ABCC2: variants seen among roughly 807,000 people sequenced by gnomAD.
ABCC2 encodes the protein ATP-binding cassette sub-family C member 2.
In ABCC2, 157 loss-of-function variants were observed where a neutral mutation model predicts 173.4. The observed-to-expected ratio is 0.91, with a 90% CI of 0.80 to 1.03. The LOEUF (loss-of-function observed/expected upper bound fraction) is 1.03, where lower values mean the gene tolerates loss of function less well. ABCC2 is among the 50% of genes least tolerant of loss of function. The pLI, the probability that ABCC2 is intolerant of heterozygous loss-of-function variation, is 0.00. For missense variants in ABCC2, 1,822 were observed against 1,852.3 expected (o/e 0.98, Z 0.30); for synonymous variants, 657 against 693.5 (o/e 0.95, Z 0.83).
intron 2 of ABCC2, among the ~76,000 whole-genome samples, chr10:99,790,366 A>G (rs1590139474): frequency 1.3e-5 from 2 of 152,196 alleles, no homozygotes; most frequent in Admixed American, 6.5e-5. Context: ...CATTTAATTT[A>G]TATACTCATT....
At chr10:99,814,773 G>GTGTATGTGTATA (rs1554851093) in intron 16 of ABCC2, among the ~76,000 whole-genome samples, 6 of 126,510 alleles carry the variant, frequency 4.7e-5, no homozygotes, top group African/African-American at 1.4e-4. Flanking sequence ...ATATATGTGT[G>GTGTATGTGTATA]TGTATGTATA....
Position 99,794,417 on chromosome 10 carries a change from C to G in ABCC2, c.581C>G (p.Pro194Arg). The change falls in exon 6 of 32, where the codon CCA becomes CGA. Residue 194 changes from proline (P) to arginine (R), a missense_variant. Physicochemically the swap from Pro to Arg is moderately radical, Grantham distance 103. Transcript: ENST00000647814. ...CGATTTTTTTGTGTCTTTCAGAATC[C>G]ATCATCCATAGCTTCATTCCTGAGT... ...FSENNESSNNPSSIASFLSSI... is the reference protein window; with the variant it reads ...FSENNESSNNRSSIASFLSSI... The G allele has an allele frequency of 6.2e-7, 1 of 1,613,844 alleles. No individual in the cohort carries two copies. The highest frequency in any genetic ancestry group is 8.5e-7 in the Non-Finnish European group (1 of 1,179,844).
At position 99,843,893 on chromosome 10, in the gene ABCC2, A is replaced by G; in HGVS notation, c.3836A>G (p.Glu1279Gly). ...CGAATAACTGAGTACACAAAAGTGG[A>G]AAATGAGGTAAGGAGGAACTGGAAA... ...VERITEYTKV[E>G]NEAPWVTDKR... is the part of the protein sequence containing the mutation. The change falls in exon 27 of 32, where the codon GAA becomes GGA. Residue 1279 changes from glutamate to glycine, a missense_variant. Glu to Gly is a moderately conservative substitution (Grantham distance 98). Coordinates refer to ENST00000647814, the MANE Select transcript of ABCC2 (RefSeq NM_000392.5). 1.2e-6 allele frequency: 2 copies of G among 1,613,434 alleles called. No individual in the cohort carries two copies. Among genetic ancestry groups the G allele is most frequent in the Non-Finnish European group, 1.7e-6 (2 of 1,179,282 alleles).
Position 99,794,457 on chromosome 10 carries a change from C to G in ABCC2, c.621C>G (p.Ser207Arg). Residue 207 changes from serine (S) to arginine (R), a missense_variant, in exon 6 of 32, where the codon AGC (serine) becomes AGG (arginine). Ser to Arg is a moderately radical substitution (Grantham distance 110). Coordinates refer to ENST00000647814, the MANE Select transcript of ABCC2 (RefSeq NM_000392.5). ...CATTCCTGAGTAGCATTACCTACAG[C>G]TGGTATGACAGGTAGGAAAGCCTGG... ...IASFLSSITY[S>R]WYDSIILKGY... 1 of 1,613,652 alleles carries G rather than the reference C, an allele frequency of 6.2e-7. No individual in the cohort carries two copies. Among genetic ancestry groups the G allele is most frequent in the Non-Finnish European group, 8.5e-7 (1 of 1,179,614 alleles).
At chr10:99,784,850 T>C in intron 2 of ABCC2, 69 bp downstream of exon 2, 1 of 1,573,292 alleles carries the variant, frequency 6.4e-7, no homozygotes, top group African/African-American at 1.3e-5. Flanking sequence ...TCTTGGTGGT[T>C]AGTGTTCTCT....
chr10:99,814,792 C>T (rs1013742179), intron 16 of ABCC2, among the ~76,000 whole-genome samples: 1 of 103,260 alleles, frequency 9.7e-6, no homozygotes, highest in African/African-American at 4.7e-5. Context: ...TATACACACA[C>T]ACATATGTGT....
chr10:99,848,774 G>C (rs1269071715), intron 30 of ABCC2, among the ~76,000 whole-genome samples: 1 of 151,862 alleles, frequency 6.6e-6, no homozygotes, highest in African/African-American at 2.4e-5. Context: ...ACTGAATCGG[G>C]GACCCAGGTG....
chr10:99,785,379 G>A (rs1311461893), intron 2 of ABCC2, among the ~76,000 whole-genome samples: 1 of 152,160 alleles, frequency 6.6e-6, no homozygotes, highest in Admixed American at 6.5e-5. Context: ...GAGGGGAGGA[G>A]CCCTCAGCCA....
intron 23 of ABCC2, 142 bp downstream of exon 23, chr10:99,832,273 T>A: frequency 1.9e-6 from 2 of 1,053,282 alleles, no homozygotes; most frequent in East Asian, 5.2e-5. Flanking sequence ...CTTGAGTACC[T>A]GCTGTGAGCT....
At chr10:99,786,801 G>A (rs146371543) in intron 2 of ABCC2, among the ~76,000 whole-genome samples, 3,751 of 152,240 alleles carry the variant, frequency 0.025, 82 homozygotes, top group Middle Eastern at 0.15. Context: ...TCAGGAGTTC[G>A]AGACGAGCCT....
chr10:99,812,832 G>A (rs2038240027), intron 15 of ABCC2, among the ~76,000 whole-genome samples, 186 bp from the exon 16 acceptor site: 1 of 152,222 alleles, frequency 6.6e-6, no homozygotes. Flanking sequence ...GCCTTTTAGA[G>A]CTAAGAAAAG....
chr10:99,783,983 T>A (rs898891079), intron 1 of ABCC2, among the ~76,000 whole-genome samples: 3 of 128,854 alleles, frequency 2.3e-5, no homozygotes, highest in African/African-American at 5.6e-5. Flanking sequence ...CAAGAATTGG[T>A]GCCCACCCCC....
intron 30 of ABCC2, 107 bp from the exon 31 acceptor site, chr10:99,850,495 G>A: frequency 1.8e-6 from 2 of 1,098,746 alleles, no homozygotes; most frequent in Admixed American, 4.0e-5. Context: ...GGGAATTTTG[G>A]AGGGGGGGTT....
At chr10:99,850,560 G>A in intron 30 of ABCC2, 42 bp from the exon 31 acceptor site, 1 of 1,602,844 alleles carries the variant, frequency 6.2e-7, no homozygotes, top group East Asian at 2.2e-5. Context: ...GTCTTTCCTT[G>A]GTCTTTAGGA....
chr10:99,849,552 C>T (rs1408124614), intron 30 of ABCC2, among the ~76,000 whole-genome samples: 1 of 152,198 alleles, frequency 6.6e-6, no homozygotes, highest in African/African-American at 2.4e-5. Context: ...TTACATTTCT[C>T]TGTTGAATGA....
chr10:99,826,510 C>T (rs1350693247), intron 19 of ABCC2, among the ~76,000 whole-genome samples: 1 of 150,422 alleles, frequency 6.6e-6, no homozygotes, highest in African/African-American at 2.4e-5. Flanking sequence ...GAGGGGCAGG[C>T]GCTTCCTGGG....
In ABCC2 at chr10:99,794,421, A is replaced by G. The variant is rs780370317; in HGVS notation, c.585A>G (p.Ser195=). The part of the protein sequence containing the change: ...SENNESSNNP[S]SIASFLSSIT... ...TTTTTTGTGTCTTTCAGAATCCATCATCCATAGCTTCATTCCTGAGTAGCA... is the reference window on the plus strand; with the variant it reads ...TTTTTTGTGTCTTTCAGAATCCATCGTCCATAGCTTCATTCCTGAGTAGCA... Residue 195 remains serine (S), a synonymous_variant, in exon 6 of 32, where the codon TCA becomes TCG. Transcript: ENST00000647814. 1.9e-6 allele frequency: 3 copies of G among 1,613,966 alleles called. No individual in the cohort carries two copies. The highest frequency in any genetic ancestry group is 4.5e-5 in the East Asian group (2 of 44,870).
chr10:99,793,400 C>G (rs2037840550), intron 3 of ABCC2, 151 bp from the exon 4 acceptor site: 2 of 1,115,082 alleles, frequency 1.8e-6, no homozygotes, highest in Non-Finnish European at 2.7e-6. Context: ...CATGTTCAAC[C>G]TGGCATCTGT....
chr10:99,814,685 GTGTATATACACATATATGTGTATACA>G (rs1353668629), intron 16 of ABCC2, among the ~76,000 whole-genome samples: 3 of 59,786 alleles, frequency 5.0e-5, no homozygotes, highest in East Asian at 6.8e-4. Flanking sequence ...ATACACACAC[GTGTATATACACATATATGTGTATACA>G]TGTATATACA....
Sources: gnomAD v4.1 joint callset for allele counts (sites outside exome capture counted in the v4.1 genomes callset) on GRCh38, gnomAD v4.1.1 for gene constraint, MANE v1.5 for transcripts, NCBI Gene and HGNC (gene_info 2026-07-23, HGNC 2026-07-21) for gene names.